MEGF10: variants seen among roughly 807,000 people sequenced by gnomAD.
The protein encoded by MEGF10 is multiple epidermal growth factor-like domains protein 10.
A neutral mutation model predicts 147.5 loss-of-function variants in MEGF10; 86 were observed. The ratio of observed to expected loss-of-function variants is 0.58; its 90% CI spans 0.49 to 0.70. MEGF10 has a LOEUF of 0.70. MEGF10 is among the 30% of genes least tolerant of loss of function. The pLI, the probability that MEGF10 is intolerant of heterozygous loss-of-function variation, is 0.00. For synonymous variants in MEGF10, 478 were observed against 525.5 expected (o/e 0.91, Z 1.24); for missense variants, 1,329 against 1,487.3 (o/e 0.89, Z 1.75).
intron 1 of MEGF10, among the ~76,000 whole-genome samples, chr5:127,320,028 T>C (rs1454793737): frequency 1.3e-5 from 2 of 152,220 alleles, no homozygotes; most frequent in Non-Finnish European, 2.9e-5. Flanking sequence ...GGACCAGCTT[T>C]CTGCTAAAGG....
At chr5:127,265,180 T>C in the MEGF10 span, among the ~76,000 whole-genome samples, 1 of 152,208 alleles carries the variant, frequency 6.6e-6, no homozygotes, top group South Asian at 2.1e-4. Context: ...TGGTTTTTTG[T>C]TCTTGAGATA....
Position 127,438,419 on chromosome 5 carries a change from CT to C in MEGF10, c.2105-19del. ...TTGGCCTCAGAACTCTGATGGACTT[CT>C]CCATACCTGTAATTTCAGCATGTCC... On this transcript the variant is annotated intron_variant, in intron 16 of 24. Transcript: ENST00000503335. The C allele has an allele frequency of 1.9e-6, 3 of 1,612,784 alleles. No homozygotes were observed. Among genetic ancestry groups the C allele is most frequent in the Non-Finnish European group, 2.5e-6 (3 of 1,179,294 alleles).
At chr5:127,250,696 A>G in the MEGF10 span, among the ~76,000 whole-genome samples, 3 of 152,042 alleles carry the variant, frequency 2.0e-5, no homozygotes, top group Non-Finnish European at 4.4e-5. Context: ...AAAGAATAAC[A>G]TGACACATAA....
intron 8 of MEGF10, among the ~76,000 whole-genome samples, chr5:127,403,788 G>A (rs562030421): frequency 8.8e-4 from 134 of 152,144 alleles, no homozygotes; most frequent in African/African-American, 3.1e-3. Context: ...TCTTTTTATG[G>A]CTGAATAGTA....
chr5:127,383,373 T>C (rs1763323218), intron 5 of MEGF10, among the ~76,000 whole-genome samples: 1 of 151,998 alleles, frequency 6.6e-6, no homozygotes, highest in Non-Finnish European at 1.5e-5. Flanking sequence ...CAGGCTGAGG[T>C]GGGGGTATTA....
chr5:127,309,102 C>A (rs1223966878), intron 1 of MEGF10, among the ~76,000 whole-genome samples: 3 of 152,106 alleles, frequency 2.0e-5, no homozygotes, highest in Non-Finnish European at 4.4e-5. Flanking sequence ...CAAGTCCTAG[C>A]AACTGCATTA....
rs41298304 is a variant in MEGF10 at position 127,340,570 on chromosome 5, A to G, written c.259A>G (p.Met87Val). The G allele has an allele frequency of 7.1e-4, 1,145 of 1,612,946 alleles. No individual in the cohort carries two copies. Among genetic ancestry groups the G allele is most frequent in the Non-Finnish European group, 9.0e-4 (1,060 of 1,179,150 alleles). The part of the protein sequence containing the change: ...RTAYRHGEKT[M>V]YRRKSQCCPG... ...AGCCTATCGACATGGGGAGAAGACT[A>G]TGTATAGGCGCAAGTCTCAGTGTTG... The change falls in exon 4 of 25, where the codon ATG becomes GTG. Residue 87 changes from methionine to valine, a missense_variant. Physicochemically the swap from Met to Val is conservative, Grantham distance 21. Transcript: ENST00000503335.
chr5:127,440,888 T>A (rs1222053809), intron 18 of MEGF10, 21 bp downstream of exon 18: 8 of 1,606,212 alleles, frequency 5.0e-6, no homozygotes, highest in Non-Finnish European at 6.8e-6. Context: ...GAGTGTGGCA[T>A]CACTGGGTGG....
At chr5:127,382,136 T>A (rs1043366495) in intron 5 of MEGF10, among the ~76,000 whole-genome samples, 5 of 152,248 alleles carry the variant, frequency 3.3e-5, no homozygotes, top group African/African-American at 1.2e-4. Flanking sequence ...AAAGTATTTT[T>A]AAAATTCATA....
chr5:127,446,921 A>G (rs555241776), intron 20 of MEGF10, among the ~76,000 whole-genome samples: 1 of 152,352 alleles, frequency 6.6e-6, no homozygotes, highest in East Asian at 1.9e-4. Flanking sequence ...CTCAGAGTAC[A>G]GGTGTGATCC....
intron 13 of MEGF10, chr5:127,424,280 A>T (rs530608264): frequency 1.4e-6 from 1 of 701,126 alleles, no homozygotes; most frequent in Admixed American, 2.0e-5. Context: ...ATTGTAGCTT[A>T]GGAGGAAGCA....
At chr5:127,387,370 A>G (rs1727554621) in intron 5 of MEGF10, among the ~76,000 whole-genome samples, 1 of 152,184 alleles carries the variant, frequency 6.6e-6, no homozygotes, top group Admixed American at 6.5e-5. Flanking sequence ...CTGTGTGATT[A>G]TGGACATGAT....
intron 9 of MEGF10, among the ~76,000 whole-genome samples, chr5:127,416,421 G>T (rs982644624): frequency 6.6e-6 from 1 of 152,092 alleles, no homozygotes; most frequent in Non-Finnish European, 1.5e-5. Flanking sequence ...GATAATAGAA[G>T]ATAAGCAGAC....
At chr5:127,290,566 G>A (rs1458313691), upstream of MEGF10, among the ~76,000 whole-genome samples, 1 of 152,218 alleles carries the variant, frequency 6.6e-6, no homozygotes, top group African/African-American at 2.4e-5. Flanking sequence ...GGCCTTTGGC[G>A]GGGTCACCCA....
chr5:127,308,860 T>C (rs2546804), intron 1 of MEGF10, among the ~76,000 whole-genome samples: 100,240 of 151,772 alleles, frequency 0.66, 33,462 homozygotes, highest in Middle Eastern at 0.8. Flanking sequence ...ACTTAAAGTA[T>C]AATTAAAAAA....
At chr5:127,398,993 C>G (rs1250547111) in intron 7 of MEGF10, among the ~76,000 whole-genome samples, 197 bp downstream of exon 7, 1 of 152,122 alleles carries the variant, frequency 6.6e-6, no homozygotes, top group Non-Finnish European at 1.5e-5. Flanking sequence ...TGATTTAGTC[C>G]TAGACTTGAA....
rs756499387 is a variant in MEGF10, at chr5:127,402,547, G to T, written c.782G>T (p.Gly261Val). ...TTTTCCAAGTCTCTTTGAATGCAGG[G>T]CACAGTGTGTGGTCAGCCTTGCCCC... The part of the protein sequence containing the change: ...GECSCPSGWM[G>V]TVCGQPCPEG... The change falls in exon 8 of 25, where the codon GGC (glycine) becomes GTC (valine). Residue 261 changes from glycine (G) to valine (V), a missense_variant and splice_region_variant. Physicochemically the swap from Gly to Val is moderately radical, Grantham distance 109. Around this residue, in one of 3 missense-constraint regions of MEGF10, gnomAD observed 980 missense variants for 1,085.9 expected, o/e 0.90. Coordinates refer to ENST00000503335, the MANE Select transcript of MEGF10 (RefSeq NM_001256545.2). 1.2e-6 allele frequency: 2 copies of T among 1,612,880 alleles called. No individual in the cohort carries two copies. Among genetic ancestry groups the T allele is most frequent in the Non-Finnish European group, 1.7e-6 (2 of 1,179,518 alleles).
At chr5:127,414,858 T>A (rs1764700028) in intron 9 of MEGF10, among the ~76,000 whole-genome samples, 1 of 152,070 alleles carries the variant, frequency 6.6e-6, no homozygotes. Context: ...AACAGAATTA[T>A]AGATTGTGAA....
At chr5:127,346,442 A>G (rs756020641) in intron 4 of MEGF10, among the ~76,000 whole-genome samples, 6 of 152,030 alleles carry the variant, frequency 3.9e-5, no homozygotes, top group Non-Finnish European at 8.8e-5. Context: ...TTTGATTTGC[A>G]TTTCCCTGAT....
Sources: gnomAD v4.1 joint callset for allele counts (sites outside exome capture counted in the v4.1 genomes callset) on GRCh38, gnomAD v4.1.1 for gene constraint, gnomAD v4.1.1 regional missense constraint, MANE v1.5 for transcripts, NCBI Gene and HGNC (gene_info 2026-07-23, HGNC 2026-07-21) for gene names.